The following GFPT1 variants were observed in gnomAD, a reference collection of about 807,000 sequenced individuals.
GFPT1 encodes the protein glutamine--fructose-6-phosphate transaminase 1.
Under a neutral mutation model 92.0 loss-of-function variants are expected in GFPT1, and 40 were observed. That is an observed-to-expected ratio of 0.43 (90% CI 0.34 to 0.57). The LOEUF is 0.57. Among genes scored for constraint, GFPT1 ranks in the 20% least tolerant of loss-of-function variants. The pLI is 0.02. For synonymous variants in GFPT1, 269 were observed against 280.6 expected (o/e 0.96, Z 0.41); for missense variants, 448 against 869.1 (o/e 0.52, Z 6.09).
intron 15 of GFPT1, among the ~76,000 whole-genome samples, chr2:69,330,995 A>G (rs1670650086): frequency 6.6e-6 from 1 of 152,212 alleles, no homozygotes; most frequent in Non-Finnish European, 1.5e-5. Flanking sequence ...TATAAATTTT[A>G]TTGATGACAG....
intron 17 of GFPT1, among the ~76,000 whole-genome samples, 191 bp from the exon 18 acceptor site, chr2:69,328,629 A>C (rs1670587257): frequency 6.6e-6 from 1 of 151,844 alleles, no homozygotes; most frequent in South Asian, 2.1e-4. Context: ...TGTAATTGGA[A>C]GTTTTAAAGC....
At position 69,356,491 on chromosome 2, in the gene GFPT1, T is replaced by C. The variant is rs367804888; in HGVS notation, c.605+5A>G. 3.1e-6 allele frequency: 5 copies of C among 1,600,530 alleles called. No individual in the cohort carries two copies. In the African/African-American group the frequency reaches 4.0e-5, roughly 13 times the overall value. On this transcript the variant is annotated splice_donor_5th_base_variant and intron_variant, in intron 7 of 19. Transcript: ENST00000357308. The stretch of plus-strand genomic sequence containing the variant: ...TACATTAGTCATTGTTAGAGTTATA[T>C]GTACCTTGTGCCAACTGCTTGCCCG...
chr2:69,359,827 C>A (rs1671424113), intron 4 of GFPT1, among the ~76,000 whole-genome samples: 1 of 152,130 alleles, frequency 6.6e-6, no homozygotes, highest in African/African-American at 2.4e-5. Flanking sequence ...CTAAGAAAAA[C>A]CAATCAGTTC....
At chr2:69,377,332 G>T (rs1004513024) in intron 1 of GFPT1, among the ~76,000 whole-genome samples, 6 of 151,684 alleles carry the variant, frequency 4.0e-5, no homozygotes, top group African/African-American at 1.5e-4. Context: ...GTTTATAATG[G>T]CTCACTATAT....
intron 2 of GFPT1, among the ~76,000 whole-genome samples, chr2:69,373,600 C>G (rs1280970578): frequency 6.6e-6 from 1 of 151,912 alleles, no homozygotes; most frequent in Non-Finnish European, 1.5e-5. Context: ...GCTGGGGTGA[C>G]AGAGTGAGAC....
intron 12 of GFPT1, among the ~76,000 whole-genome samples, chr2:69,343,479 C>T (rs1477439767): frequency 6.6e-6 from 1 of 151,588 alleles, no homozygotes; most frequent in African/African-American, 2.4e-5. Context: ...GGTGCAATCT[C>T]GGCTCACTGC....
chr2:69,346,962 T>C (rs181836151), intron 11 of GFPT1, among the ~76,000 whole-genome samples: 58 of 152,046 alleles, frequency 3.8e-4, no homozygotes, highest in Non-Finnish European at 6.9e-4. Context: ...CAGGCTGGAG[T>C]GCAGCGGCAC....
rs2104584449 is a variant in GFPT1 at position 69,320,433 on chromosome 2, T to A, written c.*5756A>T. 6.6e-6 allele frequency: 1 copy of A among 152,310 alleles called. No homozygotes were observed. 9.4% of individuals were successfully genotyped at this position (152,310 alleles called of 1,614,324 possible). On this transcript the variant is annotated 3_prime_UTR_variant, in exon 20 of 20. Coordinates refer to ENST00000357308, the MANE Select transcript of GFPT1 (RefSeq NM_001244710.2). ...ATCTCCATTTCAAAATATACAAAGC[T>A]GAGTGACAGAGGCAAAAATTAATTC...
At chr2:69,362,189 G>C (rs1264848083) in intron 4 of GFPT1, among the ~76,000 whole-genome samples, 1 of 152,122 alleles carries the variant, frequency 6.6e-6, no homozygotes, top group Non-Finnish European at 1.5e-5. Flanking sequence ...AAGTGCAATG[G>C]GGCAATCATG....
At chr2:69,350,285 C>T (rs968320522) in intron 9 of GFPT1, 102 bp from the exon 10 acceptor site, 1 of 813,446 alleles carries the variant, frequency 1.2e-6, no homozygotes, top group Non-Finnish European at 2.0e-6. Flanking sequence ...ATCATAGCAA[C>T]ACAAAACAAT....
At chr2:69,369,237 C>T (rs1671686247) in intron 3 of GFPT1, among the ~76,000 whole-genome samples, 1 of 151,710 alleles carries the variant, frequency 6.6e-6, no homozygotes, top group Admixed American at 6.6e-5. Flanking sequence ...AAACGTATGG[C>T]TTATGTGGGA....
At position 69,350,125 on chromosome 2, in the gene GFPT1, G is replaced by A. The variant is rs1671170846; in HGVS notation, c.798C>T (p.Phe266=). 4 of 1,613,860 alleles carry A rather than the reference G, an allele frequency of 2.5e-6. No homozygotes were observed. Among genetic ancestry groups the A allele is most frequent in the Non-Finnish European group, 3.4e-6 (4 of 1,179,938 alleles). Residue 266 remains phenylalanine (F), a synonymous_variant, in exon 10 of 20, where the codon TTC becomes TTT. Coordinates refer to ENST00000357308, the MANE Select transcript of GFPT1 (RefSeq NM_001244710.2). ...LSRVDSTTCL[F]PVEEKAVEYY... is the part of the protein sequence containing the mutation. ...ACTCCACTGCTTTTTCTTCCACCGG[G>A]AAAAGGCAGGTTGTGCTGTCCACAC...
At chr2:69,327,425 A>G (rs1331142907) in intron 18 of GFPT1, among the ~76,000 whole-genome samples, 1 of 152,192 alleles carries the variant, frequency 6.6e-6, no homozygotes, top group Non-Finnish European at 1.5e-5. Flanking sequence ...AGAAAACTCA[A>G]TTATATAATA....
chr2:69,339,066 G>C (rs1217995226), intron 13 of GFPT1, among the ~76,000 whole-genome samples: 1 of 152,174 alleles, frequency 6.6e-6, no homozygotes, highest in Non-Finnish European at 1.5e-5. Context: ...TTACAGGCAT[G>C]AGCCACTGCG....
intron 7 of GFPT1, among the ~76,000 whole-genome samples, chr2:69,356,245 C>A (rs1019881327): frequency 6.6e-6 from 1 of 152,070 alleles, no homozygotes; most frequent in African/African-American, 2.4e-5. Flanking sequence ...CCGCCTGCCT[C>A]GACCTCCCAA....
intron 3 of GFPT1, among the ~76,000 whole-genome samples, chr2:69,364,994 CAAAAAAAAAAAAAA>C (rs58848043): frequency 2.3e-5 from 1 of 44,162 alleles, no homozygotes; most frequent in African/African-American, 8.1e-5. Context: ...GACTCCCTCT[CAAAAAAAAAAAAAA>C]AAAAAAAAAA....
In GFPT1 at chr2:69,329,776, G is replaced by A; in HGVS notation, c.1505C>T (p.Ser502Phe). ...STKAYTSQFV[S>F]LVMFALMMCD... ...CATCATAAGGGCAAACATCACAAGG[G>A]ATACAAACTGGCTGGTATAAGCCTG... is the stretch of plus-strand genomic sequence containing the variant. The change falls in exon 16 of 20, where the codon TCC becomes TTC. Residue 502 changes from serine to phenylalanine, a missense_variant. Transcript: ENST00000357308. 6.2e-7 allele frequency: 1 copy of A among 1,605,568 alleles called. No homozygotes were observed. Among genetic ancestry groups the A allele is most frequent in the Non-Finnish European group, 8.5e-7 (1 of 1,172,110 alleles).
At chr2:69,349,871 T>C (rs1671165548) in intron 10 of GFPT1, among the ~76,000 whole-genome samples, 1 of 152,214 alleles carries the variant, frequency 6.6e-6, no homozygotes, top group African/African-American at 2.4e-5. Context: ...AAGCAGTATA[T>C]GTGTTCTTAG....
chr2:69,384,771 GAAAGAA>G (rs1406688375), intron 1 of GFPT1, among the ~76,000 whole-genome samples: 1 of 140,582 alleles, frequency 7.1e-6, no homozygotes, highest in Non-Finnish European at 1.6e-5. Flanking sequence ...AAAGAAGAAA[GAAAGAA>G]AAAGAAAGAA....
Sources: gnomAD v4.1 joint callset for allele counts (sites outside exome capture counted in the v4.1 genomes callset) on GRCh38, gnomAD v4.1.1 for gene constraint, MANE v1.5 for transcripts, NCBI Gene and HGNC (gene_info 2026-07-23, HGNC 2026-07-21) for gene names.